SHANK2: variants seen among roughly 807,000 people sequenced by gnomAD.
The protein encoded by SHANK2 is SH3 and multiple ankyrin repeat domains 2, also known as SH3 and multiple ankyrin repeat domains protein 2.
Under a neutral mutation model 133.7 loss-of-function variants are expected in SHANK2, and 43 were observed. The observed-to-expected ratio is 0.32, with a 90% confidence interval of 0.25 to 0.41. The LOEUF is 0.41. Ranked by LOEUF, SHANK2 falls within the 10% of genes least tolerant of loss-of-function variation. SHANK2 has a pLI of 1.00. For synonymous variants in SHANK2, 1,017 were observed against 952.8 expected, an observed-to-expected ratio of 1.07 and a Z score of -1.24; for missense variants, 1,994 against 2,235.8, an observed-to-expected ratio of 0.89 and a Z score of 2.18.
intron 21 of SHANK2, among the ~76,000 whole-genome samples, chr11:70,498,311 C>T (rs993112764): frequency 5.9e-5 from 9 of 152,264 alleles, no homozygotes; most frequent in African/African-American, 2.4e-5. Context: ...GTGTTAGAAG[C>T]AGCGGCTGTT....
chr11:70,625,229 T>A (rs149114189), intron 17 of SHANK2, among the ~76,000 whole-genome samples: 2,957 of 152,280 alleles, frequency 0.019, 45 homozygotes, highest in Non-Finnish European at 0.031. Context: ...CTCCCAGAGA[T>A]GACGTGTGAC....
rs1555085846 is a variant in SHANK2 at position 70,948,320 on chromosome 11, G to A, written c.1108-51753C>T. On this transcript the variant is annotated intron_variant, in intron 10 of 25. Coordinates refer to ENST00000601538, the MANE Select transcript of SHANK2 (RefSeq NM_012309.5). The stretch of plus-strand genomic sequence containing the variant: ...ATTATCTAATGTGCACTTCCAGAGA[G>A]CAGAGTGTGGTGTGGCTCACTGATG... 1.3e-5 allele frequency: 6 copies of A among 457,326 alleles called. No individual in the cohort carries two copies. The Admixed American group carries it at 1.4e-4, about 11-fold the overall frequency. 28.3% of individuals were successfully genotyped at this position (457,326 alleles called of 1,614,324 possible). A position where few individuals can be genotyped will look rare whatever the true frequency, so the allele number is the denominator to read the frequency against.
Position 70,830,903 on chromosome 11 carries a change from C to T in SHANK2, c.1175-10221G>A, listed in dbSNP as rs1243725755. Among the ~76,000 whole-genome samples, 1 of 152,224 alleles carries T rather than the reference C, an allele frequency of 6.6e-6. No individual in the cohort carries two copies. Among genetic ancestry groups the T allele is most frequent in the African/African-American group, 2.4e-5 (1 of 41,466 alleles). ...CCACGCATTGGAGCCCAAATGCCCA[C>T]AGCATGGCTGAGCACTCCCTTCCTT... On this transcript the variant is annotated intron_variant, in intron 11 of 25. Coordinates refer to ENST00000601538, the MANE Select transcript of SHANK2 (RefSeq NM_012309.5). This position sits in a 1 kb window ranked among gnomAD's most constrained non-coding sequence, Gnocchi z 4.4.
intron 17 of SHANK2, among the ~76,000 whole-genome samples, chr11:70,522,933 G>T (rs1394883411): frequency 6.6e-6 from 1 of 152,220 alleles, no homozygotes; most frequent in Non-Finnish European, 1.5e-5. Flanking sequence ...CCGCGGGCAG[G>T]CTACCTTCAC....
At chr11:70,811,371 G>T (rs1252646179) in intron 12 of SHANK2, among the ~76,000 whole-genome samples, 2 of 152,072 alleles carry the variant, frequency 1.3e-5, no homozygotes, top group Admixed American at 6.6e-5. Flanking sequence ...GAACCCCACG[G>T]CCCCACTGTG....
intron 17 of SHANK2, among the ~76,000 whole-genome samples, chr11:70,582,178 CAG>C (rs1419781330): frequency 6.6e-6 from 1 of 152,220 alleles, no homozygotes; most frequent in Non-Finnish European, 1.5e-5. Context: ...GCAAAGAAAG[CAG>C]AGAGGGGCTC....
In SHANK2 at chr11:70,500,898, G is replaced by T; in HGVS notation, c.2288-308C>A. ...CCCACCAGCACCCTGCCAAAGTAGGGAGGAGTTCTCAGAGCAGACATGAGC... is the reference window on the plus strand; with the variant it reads ...CCCACCAGCACCCTGCCAAAGTAGGTAGGAGTTCTCAGAGCAGACATGAGC... On this transcript the variant is annotated intron_variant, in intron 20 of 25. Coordinates refer to ENST00000601538, the MANE Select transcript of SHANK2 (RefSeq NM_012309.5). This position sits in a 1 kb window ranked among gnomAD's most constrained non-coding sequence, Gnocchi z 4.5. 1.6e-6 allele frequency: 1 copy of T among 633,598 alleles called. No homozygotes were observed. The highest frequency in any genetic ancestry group is 1.7e-5 in the South Asian group (1 of 59,568). The allele number at this position is 633,598 out of a possible 1,614,324, so 39.2% of individuals were successfully genotyped here. A position where few individuals can be genotyped will look rare whatever the true frequency, so the allele number is the denominator to read the frequency against.
At chr11:70,492,305 C>A (rs1317025560) in intron 22 of SHANK2, 30 bp downstream of exon 22, 2 of 1,606,008 alleles carry the variant, frequency 1.2e-6, no homozygotes, top group Non-Finnish European at 1.7e-6. Context: ...TCGGCCCCCG[C>A]CCTCGTGGTC....
At chr11:71,251,803 G>A (rs1345567773) in intron 1 of SHANK2, among the ~76,000 whole-genome samples, 35 of 151,166 alleles carry the variant, frequency 2.3e-4, no homozygotes, top group Admixed American at 2.3e-3. Context: ...CGCCGGCCCC[G>A]GCCTCTCCGC....
chr11:70,633,115 G>A (rs2061021562), intron 17 of SHANK2, among the ~76,000 whole-genome samples: 1 of 151,004 alleles, frequency 6.6e-6, no homozygotes, highest in African/African-American at 2.4e-5. Flanking sequence ...TAGACACGTT[G>A]AATATATAAA....
chr11:70,875,699 A>G (rs1445490900), intron 11 of SHANK2, among the ~76,000 whole-genome samples: 2 of 152,118 alleles, frequency 1.3e-5, no homozygotes, highest in Non-Finnish European at 2.9e-5. Flanking sequence ...CTACAAAAAT[A>G]TAAAAATTAG....
intron 3 of SHANK2, 59 bp from the exon 4 acceptor site, chr11:71,119,091 T>G (rs1293737992): frequency 1.3e-6 from 2 of 1,483,392 alleles, no homozygotes; most frequent in African/African-American, 2.8e-5. Flanking sequence ...GAGTCACCCA[T>G]GTGGGGCGCG....
rs895198 is a variant in SHANK2, at chr11:70,766,689, C to A, written c.1777+31754G>T. On this transcript the variant is annotated intron_variant, in intron 14 of 25. Coordinates refer to ENST00000601538, the MANE Select transcript of SHANK2 (RefSeq NM_012309.5). ...CAGACGGGGCCGGAATGCTCCTTGC[C>A]GCTCTAACAGGTAGGCAGGGATTGC... Among the ~76,000 whole-genome samples the A allele has an allele frequency of 8.1e-3, 1,225 of 152,034 alleles. 20 individuals carry two copies. Among genetic ancestry groups the A allele is most frequent in the African/African-American group, 0.028 (1,180 of 41,464 alleles).
intron 14 of SHANK2, among the ~76,000 whole-genome samples, chr11:70,769,208 C>T (rs1412302280): frequency 5.3e-5 from 8 of 152,270 alleles, no homozygotes; most frequent in East Asian, 3.9e-4. Context: ...TCTCCTTCAG[C>T]GGAGCGAGTG....
At chr11:70,943,847 C>G (rs990626252) in intron 10 of SHANK2, 1 of 445,930 alleles carries the variant, frequency 2.2e-6, no homozygotes, top group Admixed American at 2.4e-5. Flanking sequence ...CCAACCACAT[C>G]CCACGCCACA....
chr11:71,252,724 C>T (rs915480273), upstream of SHANK2: 5 of 151,610 alleles, frequency 3.3e-5, no homozygotes, highest in Non-Finnish European at 5.9e-5. The surrounding 1 kb of genome is among the most constrained non-coding windows in gnomAD (Gnocchi z 6.3). Context: ...CTCAGTCCCC[C>T]GCCCCGACCC....
intron 17 of SHANK2, among the ~76,000 whole-genome samples, chr11:70,506,362 C>T (rs1056313672): frequency 1.1e-4 from 16 of 152,218 alleles, no homozygotes; most frequent in African/African-American, 3.4e-4. Flanking sequence ...GTTCCTGATT[C>T]CATCCCCTGT....
At position 70,512,378 on chromosome 11, in the gene SHANK2, T is replaced by C. The variant is rs1554969411; in HGVS notation, c.2062-9447A>G. 2.0e-5 allele frequency among the ~76,000 whole-genome samples: 3 copies of C among 152,330 alleles called. 1 individual carries two copies. Among genetic ancestry groups the C allele is most frequent in the Admixed American group, 6.5e-5 (1 of 15,302 alleles). ...TTTCCCAGTACCACCATCCTCTAGA[T>C]GTATTGATATCAAAATTTTAACTAG... On this transcript the variant is annotated intron_variant, in intron 17 of 25. Coordinates refer to ENST00000601538, the MANE Select transcript of SHANK2 (RefSeq NM_012309.5).
At chr11:71,191,538 T>G (rs1225188618) in intron 2 of SHANK2, among the ~76,000 whole-genome samples, 1 of 152,098 alleles carries the variant, frequency 6.6e-6, no homozygotes, top group Non-Finnish European at 1.5e-5. Flanking sequence ...ATCTGTTTCC[T>G]CATCTCCTCC....
Sources: allele counts gnomAD v4.1 joint callset (sites outside exome capture counted in the v4.1 genomes callset), GRCh38; gene constraint gnomAD v4.1.1; non-coding constraint Gnocchi (gnomAD v3.1); transcripts MANE v1.5; gene names NCBI Gene and HGNC (gene_info 2026-07-23, HGNC 2026-07-21).